STXBP5L: variants seen among roughly 807,000 people sequenced by gnomAD.
STXBP5L encodes the protein syntaxin-binding protein 5-like.
STXBP5L carries 65 observed loss-of-function variants against 144.5 expected under a neutral mutation model. The observed-to-expected ratio is 0.45, with a 90% CI of 0.37 to 0.55. The LOEUF (loss-of-function observed/expected upper bound fraction) is 0.55. STXBP5L is among the 20% of genes least tolerant of loss of function. STXBP5L has a pLI of 0.00. For synonymous variants in STXBP5L, 505 were observed against 469.6 expected, an observed-to-expected ratio of 1.08 and a Z score of -0.97; for missense variants, 1,298 against 1,405.5, an observed-to-expected ratio of 0.92 and a Z score of 1.22.
intron 3 of STXBP5L, among the ~76,000 whole-genome samples, chr3:121,022,540 A>G (rs1445311989): frequency 6.6e-6 from 1 of 152,210 alleles, no homozygotes; most frequent in East Asian, 1.9e-4. Flanking sequence ...ATCCAAGACC[A>G]TATTAAAAAT....
intron 5 of STXBP5L, among the ~76,000 whole-genome samples, chr3:121,058,336 T>G (rs1404784720): frequency 6.6e-6 from 1 of 152,246 alleles, no homozygotes; most frequent in East Asian, 1.9e-4. Flanking sequence ...TAGGAGTCCA[T>G]GGTGTACATG....
intron 20 of STXBP5L, among the ~76,000 whole-genome samples, chr3:121,345,021 T>A (rs1275962170): frequency 6.6e-6 from 1 of 151,874 alleles, no homozygotes; most frequent in East Asian, 1.9e-4. Context: ...GCATATTTTT[T>A]AATTAAACTT....
chr3:121,261,852 G>A (rs1168183180), intron 18 of STXBP5L, among the ~76,000 whole-genome samples: 1 of 152,156 alleles, frequency 6.6e-6, no homozygotes, highest in African/African-American at 2.4e-5. Context: ...AAGTTTCTTA[G>A]TCCATTTGGG....
chr3:121,223,530 T>C (rs1244277258), intron 11 of STXBP5L, among the ~76,000 whole-genome samples: 1 of 152,186 alleles, frequency 6.6e-6, no homozygotes, highest in Non-Finnish European at 1.5e-5. Flanking sequence ...TTAAAGCACT[T>C]ACCTGATATC....
chr3:121,367,434 C>T (rs59132550), intron 20 of STXBP5L, among the ~76,000 whole-genome samples: 1 of 151,830 alleles, frequency 6.6e-6, no homozygotes, highest in African/African-American at 2.4e-5. Flanking sequence ...TTTTTTTCCT[C>T]TTAGCATTTT....
At chr3:121,088,392 A>T (rs2042603105) in intron 5 of STXBP5L, among the ~76,000 whole-genome samples, 1 of 115,644 alleles carries the variant, frequency 8.6e-6, no homozygotes, top group Non-Finnish European at 1.7e-5. Flanking sequence ...CCACTATGAG[A>T]TATCATCTCA....
chr3:121,174,388 G>C (rs1050233231), intron 9 of STXBP5L, among the ~76,000 whole-genome samples: 1 of 152,034 alleles, frequency 6.6e-6, no homozygotes, highest in Non-Finnish European at 1.5e-5. Flanking sequence ...GGCTAAAGCT[G>C]TTTGTCTGCC....
At position 121,418,564 on chromosome 3, in the gene STXBP5L, T is replaced by G; in HGVS notation, c.3447+7T>G. ...TTCCAAACATGCACATGAGGTAAAC[T>G]GCCTAAGTAAATACAGACATCTTCA... On this transcript the variant is annotated splice_region_variant and intron_variant, in intron 26 of 26. Transcript: ENST00000471454. 1 of 1,613,462 alleles carries G rather than the reference T, an allele frequency of 6.2e-7. No homozygotes were observed. The highest frequency in any genetic ancestry group is 8.5e-7 in the Non-Finnish European group (1 of 1,179,678).
intron 11 of STXBP5L, among the ~76,000 whole-genome samples, chr3:121,230,887 C>CGG (rs2108309462): frequency 6.6e-6 from 1 of 152,244 alleles, no homozygotes; most frequent in South Asian, 2.1e-4. Context: ...GCAAAGTAGT[C>CGG]GGGCGGACCG....
chr3:121,352,783 A>G (rs182070980), intron 20 of STXBP5L, among the ~76,000 whole-genome samples: 299 of 151,722 alleles, frequency 2.0e-3, no homozygotes, highest in African/African-American at 6.7e-3. Context: ...AATGCTTCCA[A>G]TTTTTGCTCA....
chr3:120,936,586 A>G (rs1056713625), intron 2 of STXBP5L, among the ~76,000 whole-genome samples: 1 of 147,094 alleles, frequency 6.8e-6, no homozygotes, highest in African/African-American at 2.5e-5. Flanking sequence ...TCACTTAGAG[A>G]CTCTTTCTTA....
chr3:121,108,474 G>T (rs760348490), intron 5 of STXBP5L, among the ~76,000 whole-genome samples: 2 of 152,110 alleles, frequency 1.3e-5, no homozygotes, highest in East Asian at 3.8e-4. Context: ...AGATAATCCT[G>T]TGGTTTTTTG....
intron 5 of STXBP5L, chr3:121,099,742 G>A (rs2043317462): frequency 1.3e-5 from 2 of 152,642 alleles, no homozygotes; most frequent in Non-Finnish European, 2.9e-5. Flanking sequence ...GCAAATTTAA[G>A]GAATGTGGAA....
intron 3 of STXBP5L, among the ~76,000 whole-genome samples, chr3:121,001,378 T>G (rs1943761424): frequency 6.6e-6 from 1 of 152,182 alleles, no homozygotes; most frequent in Non-Finnish European, 1.5e-5. Flanking sequence ...GATACTCAGA[T>G]CAGACTGGTC....
intron 3 of STXBP5L, among the ~76,000 whole-genome samples, chr3:120,988,257 T>C (rs887427566): frequency 6.6e-6 from 1 of 151,908 alleles, no homozygotes; most frequent in Non-Finnish European, 1.5e-5. Context: ...TAAGTGTTAT[T>C]AATTATTCTC....
intron 5 of STXBP5L, among the ~76,000 whole-genome samples, chr3:121,074,759 G>T (rs7616617): frequency 3.3e-5 from 5 of 152,050 alleles, no homozygotes; most frequent in Non-Finnish European, 7.4e-5. Context: ...GTTTAGAGTC[G>T]TGCCCCCTTA....
At chr3:121,153,977 G>A (rs1448341628) in intron 8 of STXBP5L, among the ~76,000 whole-genome samples, 1 of 151,664 alleles carries the variant, frequency 6.6e-6, no homozygotes, top group African/African-American at 2.4e-5. Context: ...AAACACCATG[G>A]GAATATTTAG....
intron 19 of STXBP5L, among the ~76,000 whole-genome samples, chr3:121,280,606 C>G (rs940283496): frequency 6.6e-6 from 1 of 151,772 alleles, no homozygotes; most frequent in Non-Finnish European, 1.5e-5. Flanking sequence ...GCCAATTATC[C>G]AAAGTTTTAC....
chr3:120,974,877 G>C (rs1157366490), intron 3 of STXBP5L, among the ~76,000 whole-genome samples: 2 of 152,052 alleles, frequency 1.3e-5, no homozygotes, highest in East Asian at 1.9e-4. Context: ...ATTTCTGAGG[G>C]CTCTGTTCTG....
Sources: allele counts gnomAD v4.1 joint callset (sites outside exome capture counted in the v4.1 genomes callset), GRCh38; gene constraint gnomAD v4.1.1; transcripts MANE v1.5; gene names NCBI Gene and HGNC (gene_info 2026-07-23, HGNC 2026-07-21).